Variants in SHISA6 observed in about 807,000 individuals in gnomAD.
The protein encoded by SHISA6 is shisa family member 6.
In SHISA6, 22 loss-of-function variants were observed where a neutral mutation model predicts 47.9. The observed-to-expected ratio is 0.46, with a 90% confidence interval of 0.33 to 0.66. SHISA6 has a LOEUF of 0.66. SHISA6 is among the 30% of genes least tolerant of loss of function. The pLI is 0.02. For synonymous variants in SHISA6, 388 were observed against 337.8 expected, an observed-to-expected ratio of 1.15 and a Z score of -1.63; for missense variants, 680 against 764.6, an observed-to-expected ratio of 0.89 and a Z score of 1.30.
At chr17:11,247,496 T>G (rs1907636565) in intron 1 of SHISA6, among the ~76,000 whole-genome samples, 1 of 152,156 alleles carries the variant, frequency 6.6e-6, no homozygotes, top group Admixed American at 6.5e-5. Context: ...ATTTTTGAAA[T>G]TATGGTGAAT....
At chr17:11,389,866 T>C (rs115910313) in intron 3 of SHISA6, among the ~76,000 whole-genome samples, 5,558 of 152,226 alleles carry the variant, frequency 0.037, 185 homozygotes, top group Admixed American at 0.087. Flanking sequence ...CCAAGAGTCT[T>C]ACAGACCCTG....
At chr17:11,429,292 G>A (rs1914686789) in intron 3 of SHISA6, among the ~76,000 whole-genome samples, 1 of 152,088 alleles carries the variant, frequency 6.6e-6, no homozygotes, top group South Asian at 2.1e-4. Flanking sequence ...CAAAAAAGAT[G>A]GAAGTCACGG....
chr17:11,429,829 A>G (rs980260158), intron 3 of SHISA6, among the ~76,000 whole-genome samples: 2 of 145,910 alleles, frequency 1.4e-5, no homozygotes, highest in African/African-American at 5.1e-5. Flanking sequence ...CAATCAATCA[A>G]TCAGTCAATC....
chr17:11,404,464 A>T (rs1017416046), intron 3 of SHISA6, among the ~76,000 whole-genome samples: 1 of 152,188 alleles, frequency 6.6e-6, no homozygotes, highest in African/African-American at 2.4e-5. Flanking sequence ...GACAGAGGAA[A>T]GAAAATATCT....
chr17:11,459,079 C>T (rs1915631046), intron 3 of SHISA6, among the ~76,000 whole-genome samples: 1 of 151,618 alleles, frequency 6.6e-6, no homozygotes, highest in Non-Finnish European at 1.5e-5. Context: ...ATTAGCTGGG[C>T]GTGGTGGCAG....
intron 3 of SHISA6, among the ~76,000 whole-genome samples, chr17:11,483,542 C>T (rs1916272456): frequency 6.6e-6 from 1 of 152,012 alleles, no homozygotes; most frequent in Non-Finnish European, 1.5e-5. Context: ...AAAAAAACAC[C>T]AGGTGACACA....
chr17:11,517,906 G>A (rs950833760), intron 3 of SHISA6, among the ~76,000 whole-genome samples: 1 of 152,038 alleles, frequency 6.6e-6, no homozygotes, highest in African/African-American at 2.4e-5. Context: ...CTCATTTGTA[G>A]GGTAGAGCTG....
intron 2 of SHISA6, among the ~76,000 whole-genome samples, chr17:11,274,807 G>T (rs900209227): frequency 6.6e-6 from 1 of 152,164 alleles, no homozygotes; most frequent in Non-Finnish European, 1.5e-5. Context: ...CTCTACAGGT[G>T]CCCCTCCAGA....
rs561603621 is a variant in SHISA6 at position 11,532,479 on chromosome 17, G to A, written c.896-19417G>A. Among the ~76,000 whole-genome samples the A allele has an allele frequency of 4.2e-3, 639 of 152,062 alleles. 5 individuals carry two copies. The highest frequency in any genetic ancestry group is 0.014 in the African/African-American group (596 of 41,346). ...GGGGAGAAAGCAAAATAGGCTGTGC[G>A]CGCGCGTGTGTGTGTGTGCGCGCAC... On this transcript the variant is annotated intron_variant, in intron 3 of 5. Transcript: ENST00000441885.
chr17:11,376,557 C>T (rs985525611), intron 2 of SHISA6, among the ~76,000 whole-genome samples: 16 of 152,170 alleles, frequency 1.1e-4, no homozygotes, highest in Middle Eastern at 3.4e-3. Flanking sequence ...ATCTCCTGAC[C>T]TCATGATCCA....
At chr17:11,483,654 G>A (rs1424523729) in intron 3 of SHISA6, among the ~76,000 whole-genome samples, 1 of 151,938 alleles carries the variant, frequency 6.6e-6, no homozygotes, top group African/African-American at 2.4e-5. Context: ...AAATCTAACA[G>A]TCCTAACTAT....
rs367972804 is a variant in SHISA6 at position 11,423,612 on chromosome 17, G to T, written c.895+44103G>T. 1.3e-4 allele frequency among the ~76,000 whole-genome samples: 20 copies of T among 151,900 alleles called. No homozygotes were observed. The South Asian group carries it at 3.7e-3, about 28-fold the overall frequency. The stretch of plus-strand genomic sequence containing the variant: ...AGGGTGCTCAGTAGAAGCAAAAGCA[G>T]AAATATACTAGAAAGGCAAGCCACA... On this transcript the variant is annotated intron_variant, in intron 3 of 5. Coordinates refer to ENST00000441885, the MANE Select transcript of SHISA6 (RefSeq NM_207386.4).
intron 3 of SHISA6, among the ~76,000 whole-genome samples, chr17:11,493,687 C>A (rs2071385283): frequency 6.6e-6 from 1 of 152,192 alleles, no homozygotes; most frequent in South Asian, 2.1e-4. Context: ...TACAAGGCAT[C>A]AAAGAACGAG....
chr17:11,285,618 A>T (rs533107515), intron 2 of SHISA6, among the ~76,000 whole-genome samples: 20 of 152,310 alleles, frequency 1.3e-4, no homozygotes, highest in Non-Finnish European at 2.5e-4. Context: ...GACTGATGGG[A>T]CAGGAATCAA....
intron 3 of SHISA6, among the ~76,000 whole-genome samples, chr17:11,538,385 T>A (rs2142376903): frequency 6.6e-6 from 1 of 152,196 alleles, no homozygotes; most frequent in East Asian, 1.9e-4. Context: ...CTTCAAGGAT[T>A]GGAAGAGTTT....
intron 2 of SHISA6, among the ~76,000 whole-genome samples, chr17:11,302,161 T>G (rs1275623354): frequency 6.6e-6 from 1 of 152,144 alleles, no homozygotes; most frequent in Non-Finnish European, 1.5e-5. Context: ...ACAATTCAAA[T>G]TGAGATTTGG....
intron 1 of SHISA6, among the ~76,000 whole-genome samples, chr17:11,251,436 C>A (rs1312164758): frequency 6.6e-6 from 1 of 150,970 alleles, no homozygotes. Flanking sequence ...AAAAAAAAAA[C>A]TTGACAATAT....
chr17:11,404,119 T>C (rs1202112808), intron 3 of SHISA6, among the ~76,000 whole-genome samples: 3 of 152,202 alleles, frequency 2.0e-5, no homozygotes, highest in Non-Finnish European at 2.9e-5. Context: ...TTTAGGGAGA[T>C]CAAAGCCAGA....
chr17:11,369,130 G>A (rs1912546019), intron 2 of SHISA6, among the ~76,000 whole-genome samples: 2 of 152,166 alleles, frequency 1.3e-5, no homozygotes, highest in African/African-American at 4.8e-5. Flanking sequence ...ATGTTACTGA[G>A]ATATGCCTAG....
Sources: allele counts gnomAD v4.1 joint callset (sites outside exome capture counted in the v4.1 genomes callset), GRCh38; gene constraint gnomAD v4.1.1; transcripts MANE v1.5; gene names NCBI Gene and HGNC (gene_info 2026-07-23, HGNC 2026-07-21).